The following ACOXL variants were observed in gnomAD, a reference collection of about 807,000 sequenced individuals.
The protein encoded by ACOXL is acyl-coenzyme A oxidase-like protein.
A neutral mutation model predicts 71.9 loss-of-function variants in ACOXL; 70 were observed. That is an observed-to-expected ratio of 0.97 (90% CI 0.80 to 1.19). ACOXL has a LOEUF of 1.19. Among genes scored for constraint, ACOXL ranks in the 50% most tolerant of loss-of-function variants. The probability of loss-of-function intolerance (pLI) is 0.00; values close to 1 mark genes in which losing one functional copy is unlikely to be tolerated. For synonymous variants in ACOXL, 253 were observed against 281.6 expected (o/e 0.90, Z 1.02); for missense variants, 703 against 736.3 (o/e 0.95, Z 0.52).
intron 10 of ACOXL, among the ~76,000 whole-genome samples, chr2:110,844,530 CTTTTTTTTTCTTTTCTTTTCT>C (rs1317935955): frequency 1.2e-4 from 17 of 147,240 alleles, no homozygotes; most frequent in Non-Finnish European, 4.5e-5. Flanking sequence ...TTTGACTCTT[CTTTTTTTTTCTTTTCTTTTCT>C]TTTTTTTTTT....
intron 9 of ACOXL, among the ~76,000 whole-genome samples, chr2:110,838,636 GC>G (rs1690750855): frequency 6.6e-6 from 1 of 152,194 alleles, no homozygotes; most frequent in Non-Finnish European, 1.5e-5. Flanking sequence ...TTCTTACACA[GC>G]TCATTTGCCT....
chr2:111,002,331 AAAAC>A (rs1367767357), intron 14 of ACOXL, among the ~76,000 whole-genome samples: 13 of 152,362 alleles, frequency 8.5e-5, no homozygotes, highest in South Asian at 4.1e-4. Context: ...ATAACATCCA[AAAAC>A]AAACAAACAA....
chr2:110,801,761 G>C (rs1397339775), intron 8 of ACOXL, 37 bp downstream of exon 8: 7 of 1,586,212 alleles, frequency 4.4e-6, no homozygotes, highest in Non-Finnish European at 6.1e-6. Context: ...CAATGGTGCA[G>C]ATGATCTCAC....
At chr2:110,868,398 T>G (rs1289661257) in intron 10 of ACOXL, among the ~76,000 whole-genome samples, 3 of 152,220 alleles carry the variant, frequency 2.0e-5, no homozygotes, top group African/African-American at 7.2e-5. Context: ...GCACCTTTTC[T>G]TCTTGGGAAA....
chr2:110,832,487 G>A (rs1478874007), intron 9 of ACOXL, among the ~76,000 whole-genome samples: 25 of 149,532 alleles, frequency 1.7e-4, no homozygotes, highest in African/African-American at 5.9e-4. Context: ...GCAGTGAGCC[G>A]AGATTGCGCC....
Position 110,792,893 on chromosome 2 carries a change from A to G in ACOXL, c.160-757A>G, listed in dbSNP as rs59404765. On this transcript the variant is annotated intron_variant, in intron 3 of 17. Transcript: ENST00000439055. ...CCTCATGGTCACTATATGAAGTATT[A>G]TAAGGCATTAGGTAGCTTGGGTTTC... Among the ~76,000 whole-genome samples, 103 of 152,348 alleles carry G rather than the reference A, an allele frequency of 6.8e-4. No individual in the cohort carries two copies. The East Asian group carries it at 0.01, about 15-fold the overall frequency.
chr2:111,118,106 C>T lies in ACOXL; in HGVS notation c.*290C>T. 1.9e-6 allele frequency: 1 copy of T among 523,004 alleles called. No homozygotes were observed. Among genetic ancestry groups the T allele is most frequent in the Non-Finnish European group, 3.4e-6 (1 of 293,536 alleles). The allele number at this position is 523,004 out of a possible 1,614,324, so 32.4% of individuals were successfully genotyped here. On this transcript the variant is annotated 3_prime_UTR_variant, in exon 18 of 18. Coordinates refer to ENST00000439055, the MANE Select transcript of ACOXL (RefSeq NM_001142807.4). ...TTCAGTGCCGGATCCCCTAGACAATCAGGGTGGGCTCCCCGCTGCGAGCGC... is the reference window on the plus strand; with the variant it reads ...TTCAGTGCCGGATCCCCTAGACAATTAGGGTGGGCTCCCCGCTGCGAGCGC...
chr2:110,760,704 A>G (rs1680291882), intron 1 of ACOXL, among the ~76,000 whole-genome samples: 1 of 152,094 alleles, frequency 6.6e-6, no homozygotes, highest in Non-Finnish European at 1.5e-5. Flanking sequence ...CTCTTACTTT[A>G]TATCACCCGC....
chr2:110,767,353 G>T (rs1573412656), intron 1 of ACOXL, among the ~76,000 whole-genome samples: 1 of 152,180 alleles, frequency 6.6e-6, no homozygotes, highest in Non-Finnish European at 1.5e-5. Flanking sequence ...GATTGGTGGG[G>T]AGAACCCTCA....
chr2:111,004,225 G>A (rs917284835), intron 14 of ACOXL, among the ~76,000 whole-genome samples: 3 of 152,224 alleles, frequency 2.0e-5, no homozygotes, highest in African/African-American at 7.2e-5. Flanking sequence ...AAAAACACAA[G>A]TGGGTTTTCT....
intron 16 of ACOXL, among the ~76,000 whole-genome samples, chr2:111,061,831 A>G (rs1192802658): frequency 2.6e-5 from 4 of 152,100 alleles, no homozygotes; most frequent in Non-Finnish European, 4.4e-5. Context: ...CTAAAAAACT[A>G]CTCAGAGAGA....
intron 16 of ACOXL, among the ~76,000 whole-genome samples, chr2:111,072,822 A>G (rs879748593): frequency 1.3e-5 from 2 of 152,236 alleles, no homozygotes; most frequent in African/African-American, 4.8e-5. Flanking sequence ...AATACCCAGG[A>G]ATGAATTTAC....
rs1396190036 is a variant in ACOXL at position 110,810,494 on chromosome 2, C to T, written c.753+5099C>T. ...GTCCGTCTGTGTCCATCCACCTATC[C>T]ACCCACTCACCCATTCACCCACCAC... On this transcript the variant is annotated intron_variant, in intron 9 of 17. Transcript: ENST00000439055. Among the ~76,000 whole-genome samples, 3 of 152,168 alleles carry T rather than the reference C, an allele frequency of 2.0e-5. No homozygotes were observed. The East Asian group carries it at 5.8e-4, about 29-fold the overall frequency.
In ACOXL at chr2:111,030,966, T is replaced by C. The variant is rs1197600304; in HGVS notation, c.1282-661T>C. Among the ~76,000 whole-genome samples the C allele has an allele frequency of 1.3e-5, 2 of 152,220 alleles. 1 individual carries two copies. The highest frequency in any genetic ancestry group is 3.8e-4 in the East Asian group (2 of 5,200). On this transcript the variant is annotated intron_variant, in intron 14 of 17. Coordinates refer to ENST00000439055, the MANE Select transcript of ACOXL (RefSeq NM_001142807.4). ...TTATTTTACTCTAGTTATATTAATA[T>C]GTCCTCACTTCCCTCCAACTAAAAC... is the stretch of plus-strand genomic sequence containing the variant.
In ACOXL at chr2:110,754,070, A is replaced by ATT. The variant is rs558367497; in HGVS notation, c.-22-14279_-22-14278dup. On this transcript the variant is annotated intron_variant, in intron 1 of 17. Coordinates refer to ENST00000439055, the MANE Select transcript of ACOXL (RefSeq NM_001142807.4). ...TGTGTGTGTGTGTGTAGTTCTGTGA[A>ATT]TTTTTTTTTTTTTTTTTTTTGAGAT... Among the ~76,000 whole-genome samples, 73 of 119,860 alleles carry ATT rather than the reference A, an allele frequency of 6.1e-4. 1 individual carries two copies. The highest frequency in any genetic ancestry group is 1.9e-3 in the African/African-American group (60 of 31,786). 78.6% of individuals were successfully genotyped at this position (119,860 alleles called of 152,430 possible).
At chr2:110,740,513 A>C (rs762721697) in intron 1 of ACOXL, among the ~76,000 whole-genome samples, 1 of 152,196 alleles carries the variant, frequency 6.6e-6, no homozygotes, top group Non-Finnish European at 1.5e-5. Context: ...CCCCATTAAC[A>C]TACATAAATA....
intron 16 of ACOXL, among the ~76,000 whole-genome samples, chr2:111,071,109 T>C (rs1184144681): frequency 6.6e-6 from 1 of 152,146 alleles, no homozygotes; most frequent in Non-Finnish European, 1.5e-5. Flanking sequence ...CTGTCACCTT[T>C]CTAAAGAAGC....
chr2:111,062,095 T>G (rs1250983101), intron 16 of ACOXL, among the ~76,000 whole-genome samples: 2 of 150,548 alleles, frequency 1.3e-5, no homozygotes, highest in Non-Finnish European at 3.0e-5. Context: ...GTGTATAGGG[T>G]GATATAGATA....
intron 12 of ACOXL, among the ~76,000 whole-genome samples, chr2:110,948,703 TAAAA>T (rs5833377): frequency 1.4e-5 from 1 of 70,810 alleles, no homozygotes; most frequent in South Asian, 5.3e-4. Context: ...CCAGAAGAAC[TAAAA>T]AAAAAAAAAA....
Sources: allele counts gnomAD v4.1 joint callset (sites outside exome capture counted in the v4.1 genomes callset), GRCh38; gene constraint gnomAD v4.1.1; transcripts MANE v1.5; gene names NCBI Gene and HGNC (gene_info 2026-07-23, HGNC 2026-07-21).